Variants in CDH12 observed in about 807,000 individuals in gnomAD.
CDH12 encodes the protein cadherin 12.
A neutral mutation model predicts 74.1 loss-of-function variants in CDH12; 41 were observed. The observed-to-expected ratio is 0.55, with a 90% CI of 0.43 to 0.72. The LOEUF is 0.72. Ranked by LOEUF, CDH12 falls within the 30% of genes least tolerant of loss-of-function variation. CDH12 has a pLI of 0.00. For missense variants in CDH12, 945 were observed against 977.2 expected (o/e 0.97, Z 0.44); for synonymous variants, 399 against 355.0 (o/e 1.12, Z -1.39).
At chr5:22,245,801 A>G (rs1266987667) in intron 3 of CDH12, among the ~76,000 whole-genome samples, 1 of 152,146 alleles carries the variant, frequency 6.6e-6, no homozygotes, top group Non-Finnish European at 1.5e-5. Flanking sequence ...GTGCAAGTGC[A>G]TATGTGTGTG....
At chr5:22,204,404 G>GC in intron 4 of CDH12, among the ~76,000 whole-genome samples, 1 of 152,146 alleles carries the variant, frequency 6.6e-6, no homozygotes, top group South Asian at 2.1e-4. Flanking sequence ...CTCATGATCC[G>GC]CCCGCCTCGG....
Position 22,140,737 on chromosome 5 carries a change from G to A in CDH12, c.-186-61875C>T, listed in dbSNP as rs1470066256. On this transcript the variant is annotated intron_variant, in intron 4 of 14. Coordinates refer to ENST00000382254, the MANE Select transcript of CDH12 (RefSeq NM_004061.5). ...AATCTTTATCACAACAGAATGTTCT[G>A]GGAGAGTCCCCTTGGATTTAGGACA... is the stretch of plus-strand genomic sequence containing the variant. Among the ~76,000 whole-genome samples the A allele has an allele frequency of 2.6e-5, 4 of 152,208 alleles. No individual in the cohort carries two copies. In the East Asian group the frequency reaches 7.7e-4, roughly 29 times the overall value.
intron 1 of CDH12, among the ~76,000 whole-genome samples, chr5:22,827,720 A>G (rs1176449427): frequency 6.6e-6 from 1 of 152,206 alleles, no homozygotes; most frequent in Non-Finnish European, 1.5e-5. Flanking sequence ...TAAAACTGAA[A>G]TAGTATATTG....
chr5:21,873,408 AC>A, intron 6 of CDH12, among the ~76,000 whole-genome samples: 1 of 152,190 alleles, frequency 6.6e-6, no homozygotes, highest in African/African-American at 2.4e-5. Flanking sequence ...ATTCTCTTGT[AC>A]CCCCTTCGGA....
intron 1 of CDH12, among the ~76,000 whole-genome samples, chr5:22,524,742 A>G (rs536466894): frequency 6.6e-5 from 10 of 152,262 alleles, no homozygotes; most frequent in African/African-American, 2.4e-4. Context: ...TTTATTGCTC[A>G]CATTGTATGT....
intron 5 of CDH12, among the ~76,000 whole-genome samples, chr5:22,007,661 T>C (rs1737046334): frequency 6.6e-6 from 1 of 152,182 alleles, no homozygotes; most frequent in African/African-American, 2.4e-5. Flanking sequence ...TTGAGAAATG[T>C]AAATAAATGT....
At position 22,425,153 on chromosome 5, in the gene CDH12, G is replaced by A. The variant is rs751186048; in HGVS notation, c.-427-19802C>T. Among the ~76,000 whole-genome samples the A allele has an allele frequency of 2.6e-3, 229 of 88,006 alleles. 3 individuals are homozygous for A. Among genetic ancestry groups the A allele is most frequent in the East Asian group, 0.013 (39 of 3,088 alleles). The allele number at this position is 88,006 out of a possible 152,430, so 57.7% of individuals were successfully genotyped here. A position where few individuals can be genotyped will look rare whatever the true frequency, so the allele number is the denominator to read the frequency against. On this transcript the variant is annotated intron_variant, in intron 2 of 14. Transcript: ENST00000382254. The stretch of plus-strand genomic sequence containing the variant: ...TGTAAAATTATATATATGTGTGTGT[G>A]TATATATATATATATATAAATATAT...
intron 4 of CDH12, among the ~76,000 whole-genome samples, chr5:22,205,639 C>G (rs1751180059): frequency 6.6e-6 from 1 of 152,040 alleles, no homozygotes; most frequent in Non-Finnish European, 1.5e-5. Flanking sequence ...AATATCCTTG[C>G]AATTCAGTTT....
At chr5:22,526,193 T>A (rs950536419) in intron 1 of CDH12, among the ~76,000 whole-genome samples, 1 of 152,160 alleles carries the variant, frequency 6.6e-6, no homozygotes, top group Non-Finnish European at 1.5e-5. Context: ...AAATAGAGGC[T>A]TTGTTCTGTT....
intron 8 of CDH12, among the ~76,000 whole-genome samples, chr5:21,833,695 C>CA (rs1160345084): frequency 3.2e-5 from 4 of 125,752 alleles, no homozygotes; most frequent in African/African-American, 1.2e-4. Flanking sequence ...CACAGTAAAC[C>CA]AGTGATCTTC....
chr5:22,818,759 G>A (rs757878102), intron 1 of CDH12, among the ~76,000 whole-genome samples: 1 of 152,124 alleles, frequency 6.6e-6, no homozygotes, highest in Non-Finnish European at 1.5e-5. Context: ...GGTAAGTGAG[G>A]TTTCAAAGTA....
rs1001412730 is a variant in CDH12, at chr5:22,466,875, G to C, written c.-428+38395C>G. Among the ~76,000 whole-genome samples the C allele has an allele frequency of 1.2e-4, 16 of 130,028 alleles. No homozygotes were observed. The Admixed American group carries it at 1.6e-3, about 13-fold the overall frequency. 85.3% of individuals were successfully genotyped at this position (130,028 alleles called of 152,430 possible). A position where few individuals can be genotyped will look rare whatever the true frequency, so the allele number is the denominator to read the frequency against. ...GCAGTCTCGGCTCACTGCAACCTCT[G>C]CCTCCCGGGTTCAAGCAATTCTTCT... On this transcript the variant is annotated intron_variant, in intron 2 of 14. Coordinates refer to ENST00000382254, the MANE Select transcript of CDH12 (RefSeq NM_004061.5).
At chr5:22,315,200 G>T (rs1011793672) in intron 3 of CDH12, among the ~76,000 whole-genome samples, 4 of 139,458 alleles carry the variant, frequency 2.9e-5, no homozygotes, top group Non-Finnish European at 6.0e-5. Flanking sequence ...CTGACCTTGT[G>T]ATCTGCCCGC....
At chr5:22,133,335 G>A (rs1359720078) in intron 4 of CDH12, among the ~76,000 whole-genome samples, 19 of 152,088 alleles carry the variant, frequency 1.2e-4, no homozygotes, top group Admixed American at 1.2e-3. Context: ...AGTCGAGAAT[G>A]ATCATTAGTG....
intron 5 of CDH12, among the ~76,000 whole-genome samples, chr5:21,998,376 T>C (rs1246840954): frequency 2.0e-5 from 3 of 152,106 alleles, no homozygotes; most frequent in East Asian, 3.9e-4. Context: ...ACTTCAGTGA[T>C]AGTGCAATTC....
At chr5:22,281,746 A>G (rs1329677413) in intron 3 of CDH12, among the ~76,000 whole-genome samples, 1 of 152,180 alleles carries the variant, frequency 6.6e-6, no homozygotes, top group African/African-American at 2.4e-5. Flanking sequence ...CTAGAATAAC[A>G]TTCCATGCTC....
chr5:21,957,126 C>G (rs1333052178), intron 6 of CDH12, among the ~76,000 whole-genome samples: 1 of 152,118 alleles, frequency 6.6e-6, no homozygotes, highest in African/African-American at 2.4e-5. Context: ...CATGTGTTCT[C>G]ATAATTTAGT....
At chr5:22,258,347 T>C (rs1345770036) in intron 3 of CDH12, among the ~76,000 whole-genome samples, 3 of 152,112 alleles carry the variant, frequency 2.0e-5, no homozygotes, top group Non-Finnish European at 4.4e-5. Flanking sequence ...GCAGTTTCAA[T>C]GGCTTCAACG....
At chr5:22,244,531 A>AAAG (rs1561250672) in intron 3 of CDH12, among the ~76,000 whole-genome samples, 14 of 23,160 alleles carry the variant, frequency 6.0e-4, no homozygotes, top group African/African-American at 2.5e-3. Context: ...AAAAAAAAAA[A>AAAG]AAGAAGAAGA....
Sources: gnomAD v4.1 joint callset for allele counts (sites outside exome capture counted in the v4.1 genomes callset) on GRCh38, gnomAD v4.1.1 for gene constraint, MANE v1.5 for transcripts, NCBI Gene and HGNC (gene_info 2026-07-23, HGNC 2026-07-21) for gene names.